The following RASL10B variants were observed in gnomAD, a reference collection of about 807,000 sequenced individuals.
RASL10B encodes the protein ras-like protein family member 10B.
RASL10B carries 10 observed loss-of-function variants against 20.7 expected under a neutral mutation model. The observed-to-expected ratio is 0.48, with a 90% CI of 0.30 to 0.82. The LOEUF is 0.82. Among genes scored for constraint, RASL10B ranks in the 40% least tolerant of loss-of-function variants. The pLI, the probability that RASL10B is intolerant of heterozygous loss-of-function variation, is 0.07. For missense variants in RASL10B, 231 were observed against 295.4 expected (o/e 0.78, Z 1.60); for synonymous variants, 110 against 123.3 (o/e 0.89, Z 0.72).
chr17:35,734,035 C>T (rs1568088205), intron 1 of RASL10B, among the ~76,000 whole-genome samples: 1 of 152,240 alleles, frequency 6.6e-6, no homozygotes, highest in Non-Finnish European at 1.5e-5. Flanking sequence ...TGACTCACGC[C>T]TGTAATCCCA....
intron 2 of RASL10B, among the ~76,000 whole-genome samples, chr17:35,737,250 T>C (rs1555597331): frequency 1.3e-5 from 2 of 152,248 alleles, no homozygotes; most frequent in African/African-American, 4.8e-5. Context: ...CAAGCGATCC[T>C]CCTGCTTTGG....
chr17:35,740,370 T>C (rs2085621800), intron 2 of RASL10B, 39 bp from the exon 3 acceptor site: 12 of 1,605,824 alleles, frequency 7.5e-6, no homozygotes, highest in Non-Finnish European at 1.0e-5. Flanking sequence ...GGAGCCCTCA[T>C]GGCTGCTCTG....
intron 2 of RASL10B, among the ~76,000 whole-genome samples, chr17:35,736,044 T>C (rs1214036068): frequency 6.6e-6 from 1 of 152,172 alleles, no homozygotes; most frequent in Non-Finnish European, 1.5e-5. Context: ...CCCTCTTCTC[T>C]TAAGTGATGC....
intron 2 of RASL10B, among the ~76,000 whole-genome samples, chr17:35,736,532 G>T (rs995369111): frequency 1.3e-5 from 2 of 152,212 alleles, no homozygotes; most frequent in South Asian, 2.1e-4. Context: ...TCCCGCATCT[G>T]CCCTGGAAGC....
intron 1 of RASL10B, among the ~76,000 whole-genome samples, chr17:35,734,069 T>C (rs1555596724): frequency 2.0e-5 from 3 of 152,162 alleles, no homozygotes; most frequent in East Asian, 1.9e-4. Flanking sequence ...CCAAGGTGGG[T>C]AGATCACCTG....
rs183644694 is a variant in RASL10B at position 35,735,811 on chromosome 17, G to A, written c.216+411G>A. On this transcript the variant is annotated intron_variant, in intron 2 of 3. Transcript: ENST00000603017. This position sits in a 1 kb window ranked among gnomAD's most constrained non-coding sequence, Gnocchi z 6.7. ...TCCAGATGTGTTGGGGTGGAGTTGG[G>A]GGGTCACAGAGGGTGATGTCTCAAC... Among the ~76,000 whole-genome samples the A allele has an allele frequency of 1.8e-4, 28 of 152,326 alleles. No individual in the cohort carries two copies. In the East Asian group the frequency reaches 3.3e-3, roughly 18 times the overall value.
chr17:35,740,324 C>T, intron 2 of RASL10B, 85 bp from the exon 3 acceptor site: 1 of 1,528,466 alleles, frequency 6.5e-7, no homozygotes, highest in Middle Eastern at 2.2e-4. Flanking sequence ...CAGGTGAGAG[C>T]ACTGCCCCTC....
chr17:35,736,924 T>G (rs1325202636), intron 2 of RASL10B: 2 of 152,130 alleles, frequency 1.3e-5, no homozygotes, highest in African/African-American at 4.8e-5. Context: ...CAGCTAATTT[T>G]TGTATTTTTA....
intron 2 of RASL10B, among the ~76,000 whole-genome samples, chr17:35,737,946 G>A (rs2085604634): frequency 6.6e-6 from 1 of 151,874 alleles, no homozygotes; most frequent in South Asian, 2.1e-4. Context: ...GTTTGGAGGG[G>A]AGGTTATTTC....
At chr17:35,737,484 T>C (rs1352103013) in intron 2 of RASL10B, among the ~76,000 whole-genome samples, 4 of 152,130 alleles carry the variant, frequency 2.6e-5, no homozygotes, top group Non-Finnish European at 4.4e-5. Flanking sequence ...TTTCAAACAG[T>C]GCCACAATGA....
At position 35,741,555 on chromosome 17, in the gene RASL10B, C is replaced by T; in HGVS notation, c.*250C>T. The T allele has an allele frequency of 2.1e-6, 1 of 470,152 alleles. No individual in the cohort carries two copies. The highest frequency in any genetic ancestry group is 3.5e-6 in the Non-Finnish European group (1 of 288,244). The allele number at this position is 470,152 out of a possible 1,614,324, so 29.1% of individuals were successfully genotyped here. A position where few individuals can be genotyped will look rare whatever the true frequency, so the allele number is the denominator to read the frequency against. ...GTGCTGTATTTAGTGCAGTGCCCGG[C>T]CCGACCCGCGGGGGTGCCACAGCCT... is the stretch of plus-strand genomic sequence containing the variant. On this transcript the variant is annotated 3_prime_UTR_variant, in exon 4 of 4. Coordinates refer to ENST00000603017, the MANE Select transcript of RASL10B (RefSeq NM_033315.4).
chr17:35,732,331 C>T (rs1220594408), intron 1 of RASL10B, among the ~76,000 whole-genome samples: 1 of 152,322 alleles, frequency 6.6e-6, no homozygotes, highest in African/African-American at 2.4e-5. Flanking sequence ...CTGTGTGTGT[C>T]TCTGGTCTCT....
intron 2 of RASL10B, among the ~76,000 whole-genome samples, chr17:35,738,102 C>A (rs2085605979): frequency 6.6e-6 from 1 of 152,072 alleles, no homozygotes; most frequent in Non-Finnish European, 1.5e-5. Context: ...ATATGATATT[C>A]TCCTTGTAGT....
intron 2 of RASL10B, 139 bp from the exon 3 acceptor site, chr17:35,740,270 G>T: frequency 1.9e-6 from 2 of 1,079,048 alleles, no homozygotes; most frequent in Non-Finnish European, 2.6e-6. Flanking sequence ...CCTGGGCCTG[G>T]TCTCCTGGGG....
chr17:35,734,734 G>A (rs1376009102), intron 1 of RASL10B, among the ~76,000 whole-genome samples: 2 of 152,216 alleles, frequency 1.3e-5, no homozygotes, highest in East Asian at 1.9e-4. Flanking sequence ...CCCAGGCTCT[G>A]TGGGGAAGCT....
chr17:35,741,037 T>C lies in RASL10B; in HGVS notation c.344T>C (p.Val115Ala), dbSNP rs782625032. 2 of 1,596,702 alleles carry C rather than the reference T, an allele frequency of 1.3e-6. No homozygotes were observed. Among genetic ancestry groups the C allele is most frequent in the South Asian group, 1.1e-5 (1 of 89,456 alleles). The part of the protein sequence containing the change: ...TIRQQILETR[V>A]IGTSETPIII... ...GAGCTGCCTGCCTCGCCCCACAGGGTGATCGGAACCTCAGAGACGCCCATC... is the reference window on the plus strand; with the variant it reads ...GAGCTGCCTGCCTCGCCCCACAGGGCGATCGGAACCTCAGAGACGCCCATC... Residue 115 changes from valine (V) to alanine (A), a missense_variant and splice_region_variant, in exon 4 of 4, where the codon GTG (valine) becomes GCG (alanine). Physicochemically the swap from Val to Ala is moderately conservative, Grantham distance 64. Transcript: ENST00000603017.
intron 1 of RASL10B, among the ~76,000 whole-genome samples, 195 bp from the exon 2 acceptor site, chr17:35,734,843 T>C (rs1555596854): frequency 2.0e-5 from 3 of 151,954 alleles, no homozygotes; most frequent in Non-Finnish European, 4.4e-5. Flanking sequence ...TCAAGAAAGA[T>C]TGGGCCCTAC....
chr17:35,735,271 C>T lies in RASL10B; in HGVS notation c.87C>T (p.Phe29=). 6.2e-7 allele frequency: 1 copy of T among 1,613,896 alleles called. No individual in the cohort carries two copies. The highest frequency in any genetic ancestry group is 1.3e-5 in the African/African-American group (1 of 75,052). Reference sequence around the variant, plus strand: ...TGCGCCAGTTCTTGTACAACGAGTTCAGCGAGGTCTGCGTCCCCACCACCG... The same window carrying T: ...TGCGCCAGTTCTTGTACAACGAGTTTAGCGAGGTCTGCGTCCCCACCACCG... ...AIVRQFLYNE[F]SEVCVPTTAR... The change falls in exon 2 of 4, where the codon TTC becomes TTT. Residue 29 remains phenylalanine, a synonymous_variant. Transcript: ENST00000603017. The surrounding 1 kb of genome is among the most constrained non-coding windows in gnomAD (Gnocchi z 6.7).
chr17:35,738,558 T>A (rs2085609362), intron 2 of RASL10B, among the ~76,000 whole-genome samples: 1 of 152,162 alleles, frequency 6.6e-6, no homozygotes, highest in Non-Finnish European at 1.5e-5. Context: ...TATCAGCAAA[T>A]GCATGGTTGA....
Sources: gnomAD v4.1 joint callset for allele counts (sites outside exome capture counted in the v4.1 genomes callset) on GRCh38, gnomAD v4.1.1 for gene constraint, Gnocchi (gnomAD v3.1) non-coding constraint, MANE v1.5 for transcripts, NCBI Gene and HGNC (gene_info 2026-07-23, HGNC 2026-07-21) for gene names.